The following GPLD1 variants were observed in gnomAD, a reference collection of about 807,000 sequenced individuals.
GPLD1 encodes phosphatidylinositol-glycan-specific phospholipase D.
Under a neutral mutation model 112.6 loss-of-function variants are expected in GPLD1, and 84 were observed. The observed-to-expected ratio is 0.75, with a 90% CI of 0.63 to 0.89. The LOEUF (loss-of-function observed/expected upper bound fraction) is 0.89, where lower values mean the gene tolerates loss of function less well. GPLD1 is among the 40% of genes least tolerant of loss of function. The pLI, the probability that GPLD1 is intolerant of heterozygous loss-of-function variation, is 0.00. For synonymous variants in GPLD1, 386 were observed against 403.8 expected (o/e 0.96, Z 0.53); for missense variants, 1,044 against 1,051.5 (o/e 0.99, Z 0.10).
At chr6:24,438,474 T>C (rs1017785586) in intron 20 of GPLD1, among the ~76,000 whole-genome samples, 10 of 152,198 alleles carry the variant, frequency 6.6e-5, no homozygotes, top group African/African-American at 2.4e-4. Context: ...GAGTTTTGTG[T>C]GTAAAACTGA....
At chr6:24,466,199 TA>T (rs750898211) in intron 10 of GPLD1, among the ~76,000 whole-genome samples, 6 of 152,172 alleles carry the variant, frequency 3.9e-5, no homozygotes, top group Non-Finnish European at 7.4e-5. Flanking sequence ...ACAAAAAAAT[TA>T]GCCAGGGATG....
At chr6:24,451,701 C>G (rs1007024476) in intron 14 of GPLD1, among the ~76,000 whole-genome samples, 1 of 152,228 alleles carries the variant, frequency 6.6e-6, no homozygotes, top group African/African-American at 2.4e-5. Context: ...GTGCTTGCCA[C>G]ATAACACACA....
downstream of GPLD1, chr6:24,425,407 G>T (rs371030207): frequency 2.0e-5 from 3 of 152,080 alleles, no homozygotes; most frequent in East Asian, 5.8e-4. Flanking sequence ...GTCAATAAAA[G>T]GAAAAATAAT....
intron 10 of GPLD1, among the ~76,000 whole-genome samples, chr6:24,465,155 C>G (rs1172173330): frequency 6.9e-6 from 1 of 145,072 alleles, no homozygotes; most frequent in Non-Finnish European, 1.5e-5. Flanking sequence ...CGAGATCGCA[C>G]CACTGCACTC....
intron 24 of GPLD1, 21 bp downstream of exon 24, chr6:24,433,166 A>C: frequency 6.4e-7 from 1 of 1,552,208 alleles, no homozygotes. Context: ...AACATCAATG[A>C]AGTTCAGTCC....
intron 7 of GPLD1, 115 bp from the exon 8 acceptor site, chr6:24,467,389 A>G: frequency 1.5e-6 from 1 of 661,354 alleles, no homozygotes; most frequent in Admixed American, 2.5e-5. Flanking sequence ...CACCATGTAA[A>G]AGTCTTTACA....
At chr6:24,458,072 G>A (rs1448347772) in intron 12 of GPLD1, among the ~76,000 whole-genome samples, 1 of 151,068 alleles carries the variant, frequency 6.6e-6, no homozygotes, top group Non-Finnish European at 1.5e-5. Flanking sequence ...AAACGAGAGT[G>A]GCCCTGAACA....
chr6:24,436,489 A>C, intron 22 of GPLD1, 87 bp downstream of exon 22: 1 of 1,154,792 alleles, frequency 8.7e-7, no homozygotes, highest in Non-Finnish European at 1.3e-6. Context: ...AATTCAGGTA[A>C]GCACTTTATA....
At chr6:24,449,476 A>G (rs993299532) in intron 15 of GPLD1, among the ~76,000 whole-genome samples, 4 of 152,204 alleles carry the variant, frequency 2.6e-5, no homozygotes, top group African/African-American at 9.6e-5. Context: ...CAGAAACTAC[A>G]GATGAGCTGG....
intron 12 of GPLD1, among the ~76,000 whole-genome samples, chr6:24,456,857 G>C (rs181251882): frequency 6.6e-6 from 1 of 152,292 alleles, no homozygotes; most frequent in Admixed American, 6.5e-5. Context: ...GGATGGCAGA[G>C]TTACAGCCCA....
Position 24,433,388 on chromosome 6 carries a change from G to T in GPLD1, c.2360C>A (p.Ala787Asp), listed in dbSNP as rs1464163356. Residue 787 changes from alanine to aspartate, a missense_variant and splice_region_variant, in exon 23 of 25, where the codon GCC (alanine) becomes GAC (aspartate). Transcript: ENST00000230036. The stretch of plus-strand genomic sequence containing the variant: ...TTCAGGAGAAATCAATACATATTGG[G>T]CCTGAAGAAAAAAATTGAGGAGAGA... ...SWITPCPEEK[A>D]QYVLISPEAS... 1.2e-6 allele frequency: 2 copies of T among 1,606,644 alleles called. No homozygotes were observed. The highest frequency in any genetic ancestry group is 1.7e-6 in the Non-Finnish European group (2 of 1,173,740).
At chr6:24,475,405 T>C (rs769705587) in intron 4 of GPLD1, among the ~76,000 whole-genome samples, 174 bp from the exon 5 acceptor site, 16 of 152,102 alleles carry the variant, frequency 1.1e-4, no homozygotes, top group Non-Finnish European at 2.1e-4. Context: ...CCAGGTGCAG[T>C]GGCTCTTGCC....
At chr6:24,425,378 T>C (rs988047522), downstream of GPLD1, 1 of 152,206 alleles carries the variant, frequency 6.6e-6, no homozygotes, top group Non-Finnish European at 1.5e-5. Context: ...TTGGATAAAA[T>C]AATTTTTTGA....
At chr6:24,437,687 A>C (rs1051922873) in intron 20 of GPLD1, among the ~76,000 whole-genome samples, 2 of 152,166 alleles carry the variant, frequency 1.3e-5, no homozygotes, top group Admixed American at 6.5e-5. Context: ...TAGCGCCATT[A>C]ACCTTTTCAC....
chr6:24,453,637 CAAAT>C (rs913196988), intron 14 of GPLD1, among the ~76,000 whole-genome samples: 6 of 151,666 alleles, frequency 4.0e-5, no homozygotes, highest in African/African-American at 1.2e-4. Context: ...GACTCCATCT[CAAAT>C]AAATAAATTA....
intron 15 of GPLD1, among the ~76,000 whole-genome samples, chr6:24,449,134 G>A (rs138362554): frequency 4.6e-4 from 70 of 152,086 alleles, no homozygotes; most frequent in African/African-American, 1.5e-3. Flanking sequence ...TTTTCAAGCA[G>A]AGGAAACTGT....
chr6:24,451,396 G>T (rs1214641785), intron 14 of GPLD1, among the ~76,000 whole-genome samples: 1 of 152,118 alleles, frequency 6.6e-6, no homozygotes, highest in East Asian at 1.9e-4. Flanking sequence ...AGGCTAGAGT[G>T]CAATAGTGCT....
intron 22 of GPLD1, among the ~76,000 whole-genome samples, chr6:24,436,367 G>T (rs539531014): frequency 6.6e-5 from 10 of 152,210 alleles, no homozygotes; most frequent in Admixed American, 1.3e-4. Context: ...ATAACACCAA[G>T]TCCAGTGGGA....
In GPLD1 at chr6:24,486,071, C is replaced by T; in HGVS notation, c.153+4G>A. 1.3e-6 allele frequency: 2 copies of T among 1,564,098 alleles called. No individual in the cohort carries two copies. The highest frequency in any genetic ancestry group is 1.8e-6 in the Non-Finnish European group (2 of 1,139,760). On this transcript the variant is annotated splice_donor_region_variant and intron_variant, in intron 2 of 24. Transcript: ENST00000230036. ...AAGAAGAAAAGAAAAATCAAGATTT[C>T]TACCTCTCTGTAGTTAACACGCCCA...
Sources: allele counts gnomAD v4.1 joint callset (sites outside exome capture counted in the v4.1 genomes callset), GRCh38; gene constraint gnomAD v4.1.1; transcripts MANE v1.5; gene names NCBI Gene and HGNC (gene_info 2026-07-23, HGNC 2026-07-21).